The following ROBO2 variants were observed in gnomAD, a reference collection of about 807,000 sequenced individuals.
The protein encoded by ROBO2 is roundabout homolog 2.
Under a neutral mutation model 160.8 loss-of-function variants are expected in ROBO2, and 53 were observed. The observed-to-expected ratio is 0.33, with a 90% CI of 0.26 to 0.41. The LOEUF is 0.41. Ranked by LOEUF, ROBO2 falls within the 10% of genes least tolerant of loss-of-function variation. ROBO2 has a pLI of 1.00. For synonymous variants in ROBO2, 664 were observed against 611.7 expected (o/e 1.09, Z -1.26); for missense variants, 1,577 against 1,722.4 (o/e 0.92, Z 1.49).
chr3:77,030,652 G>A (rs1019866304), intron 2 of ROBO2, among the ~76,000 whole-genome samples: 1 of 152,114 alleles, frequency 6.6e-6, no homozygotes, highest in Non-Finnish European at 1.5e-5. Flanking sequence ...ATTGGTTCTC[G>A]TTGCATCTGG....
intron 2 of ROBO2, among the ~76,000 whole-genome samples, chr3:76,146,223 C>G (rs942183733): frequency 2.4e-4 from 36 of 152,006 alleles, no homozygotes; most frequent in Non-Finnish European, 4.4e-4. Flanking sequence ...CTCAACAAAA[C>G]TGATTGCTTT....
chr3:76,691,636 G>A (rs570672490), intron 2 of ROBO2, among the ~76,000 whole-genome samples: 1 of 152,246 alleles, frequency 6.6e-6, no homozygotes, highest in African/African-American at 2.4e-5. Context: ...GGACAATGTT[G>A]ATACAATCCA....
At chr3:76,025,251 T>C (rs867825882) in intron 2 of ROBO2, among the ~76,000 whole-genome samples, 1 of 151,678 alleles carries the variant, frequency 6.6e-6, no homozygotes, top group Non-Finnish European at 1.5e-5. Context: ...ATTTCTGGGA[T>C]GTCTTCAAAA....
chr3:77,275,473 T>C (rs1313864396), intron 2 of ROBO2, among the ~76,000 whole-genome samples: 1 of 152,156 alleles, frequency 6.6e-6, no homozygotes, highest in East Asian at 1.9e-4. Context: ...CTAAAGATAT[T>C]TCTTTCCAAT....
intron 2 of ROBO2, among the ~76,000 whole-genome samples, chr3:76,077,368 G>A (rs1227440371): frequency 6.6e-6 from 1 of 152,072 alleles, no homozygotes; most frequent in African/African-American, 2.4e-5. Flanking sequence ...TTCGAGACCA[G>A]CCTGGCCAAC....
Position 77,389,147 on chromosome 3 carries a change from T to C in ROBO2, c.389-88267T>C, listed in dbSNP as rs370054534. Among the ~76,000 whole-genome samples the C allele has an allele frequency of 4.0e-3, 606 of 152,260 alleles. 5 individuals are homozygous for C. Among genetic ancestry groups the C allele is most frequent in the African/African-American group, 0.014 (584 of 41,544 alleles). ...TTAGTAGAGACAGGGTTTTACCATG[T>C]TGGTCATGCTGGTCTTGAACTCCGG... On this transcript the variant is annotated intron_variant, in intron 2 of 25. Coordinates refer to ENST00000461745, the Ensembl canonical transcript of ROBO2.
At chr3:76,828,643 T>C (rs1361804904) in intron 2 of ROBO2, among the ~76,000 whole-genome samples, 1 of 152,158 alleles carries the variant, frequency 6.6e-6, no homozygotes, top group East Asian at 1.9e-4. Flanking sequence ...TTCTAGGCTC[T>C]TTAAAGCATC....
chr3:76,872,300 A>G (rs549698247), intron 2 of ROBO2, among the ~76,000 whole-genome samples: 8 of 152,300 alleles, frequency 5.3e-5, no homozygotes, highest in Admixed American at 3.3e-4. Context: ...CTGAAAAATT[A>G]ATTACTAAAC....
intron 2 of ROBO2, among the ~76,000 whole-genome samples, chr3:76,117,242 T>A (rs1470668739): frequency 6.6e-6 from 1 of 152,204 alleles, no homozygotes; most frequent in Non-Finnish European, 1.5e-5. Context: ...TGCTTGTTCA[T>A]AGCTTCATTT....
intron 2 of ROBO2, among the ~76,000 whole-genome samples, chr3:76,937,373 A>T (rs765440666): frequency 2.6e-4 from 39 of 152,158 alleles, no homozygotes; most frequent in Non-Finnish European, 4.1e-4. Context: ...ATGCCATAAA[A>T]ATTTACTGGA....
chr3:76,035,714 C>T (rs971044051), intron 2 of ROBO2, among the ~76,000 whole-genome samples: 6 of 152,006 alleles, frequency 3.9e-5, no homozygotes, highest in Admixed American at 2.0e-4. Flanking sequence ...CAGAAATGTA[C>T]CTTGATATGC....
intron 2 of ROBO2, among the ~76,000 whole-genome samples, chr3:77,361,450 C>G (rs2069975012): frequency 6.6e-6 from 1 of 152,046 alleles, no homozygotes; most frequent in Admixed American, 6.6e-5. Context: ...ATATATCAAG[C>G]TATCTGTCTT....
chr3:76,660,295 C>T (rs1466658172), intron 2 of ROBO2, among the ~76,000 whole-genome samples: 1 of 152,112 alleles, frequency 6.6e-6, no homozygotes, highest in Non-Finnish European at 1.5e-5. Flanking sequence ...ATTAACTGGA[C>T]TTTTCCACAG....
intron 2 of ROBO2, among the ~76,000 whole-genome samples, chr3:77,017,903 C>A (rs2062379945): frequency 6.6e-6 from 1 of 152,040 alleles, no homozygotes; most frequent in Non-Finnish European, 1.5e-5. Flanking sequence ...CAGACCTTGG[C>A]AATGACCTTG....
At chr3:76,502,199 T>C (rs1012713570) in intron 2 of ROBO2, among the ~76,000 whole-genome samples, 1 of 152,170 alleles carries the variant, frequency 6.6e-6, no homozygotes, top group African/African-American at 2.4e-5. Context: ...ATAAAGATGA[T>C]TTTCTTCTGC....
intron 2 of ROBO2, among the ~76,000 whole-genome samples, chr3:76,817,587 A>G (rs1468962677): frequency 6.6e-6 from 1 of 151,916 alleles, no homozygotes; most frequent in Non-Finnish European, 1.5e-5. Context: ...ATTTTGGTGC[A>G]CCAATCACCC....
chr3:76,854,204 T>C (rs2069786032), intron 2 of ROBO2, among the ~76,000 whole-genome samples: 1 of 152,080 alleles, frequency 6.6e-6, no homozygotes, highest in South Asian at 2.1e-4. Flanking sequence ...ATTCATTCTT[T>C]TAACATCTAC....
intron 2 of ROBO2, among the ~76,000 whole-genome samples, chr3:76,783,908 T>G (rs2062815888): frequency 6.6e-6 from 1 of 151,164 alleles, no homozygotes; most frequent in Non-Finnish European, 1.5e-5. Flanking sequence ...TTTACTCTTT[T>G]TTATTCTTTT....
intron 2 of ROBO2, among the ~76,000 whole-genome samples, chr3:76,973,446 A>C (rs1184214023): frequency 1.3e-5 from 2 of 152,104 alleles, no homozygotes; most frequent in Non-Finnish European, 2.9e-5. Context: ...ATAACATTAT[A>C]TTAATAAGAA....
Sources: allele counts gnomAD v4.1 joint callset (sites outside exome capture counted in the v4.1 genomes callset), GRCh38; gene constraint gnomAD v4.1.1; transcripts MANE v1.5; gene names NCBI Gene and HGNC (gene_info 2026-07-23, HGNC 2026-07-21).